Variants in RBFOX1 observed in about 807,000 individuals in gnomAD.
RBFOX1 encodes the protein RNA binding protein fox-1 homolog 1.
RBFOX1 carries 8 observed loss-of-function variants against 57.7 expected under a neutral mutation model. The ratio of observed to expected loss-of-function variants is 0.14; its 90% CI spans 0.08 to 0.25. The LOEUF is 0.25. RBFOX1 is among the 10% of genes least tolerant of loss of function. The pLI, the probability that RBFOX1 is intolerant of heterozygous loss-of-function variation, is 1.00. For missense variants in RBFOX1, 611 were observed against 548.5 expected (o/e 1.11, Z -1.14); for synonymous variants, 326 against 222.4 (o/e 1.47, Z -4.15).
intron 2 of RBFOX1, among the ~76,000 whole-genome samples, chr16:6,352,743 C>G (rs546897523): frequency 2.8e-4 from 43 of 152,238 alleles, no homozygotes; most frequent in African/African-American, 9.6e-4. Context: ...CTTTTCAATC[C>G]CATCCATTAA....
intron 14 of RBFOX1, among the ~76,000 whole-genome samples, chr16:7,697,836 A>G (rs1389971999): frequency 6.6e-6 from 1 of 152,138 alleles, no homozygotes; most frequent in South Asian, 2.1e-4. Flanking sequence ...TCGGATGACA[A>G]AGTTGTTACT....
chr16:5,572,237 A>G (rs1267473372), intron 2 of RBFOX1, among the ~76,000 whole-genome samples: 1 of 152,188 alleles, frequency 6.6e-6, no homozygotes, highest in African/African-American at 2.4e-5. Flanking sequence ...GAAGCTCTCC[A>G]GGCTTTCTGG....
At chr16:7,275,637 A>G (rs12445208) in intron 4 of RBFOX1, among the ~76,000 whole-genome samples, 1 of 150,684 alleles carries the variant, frequency 6.6e-6, no homozygotes, top group Admixed American at 6.6e-5. Flanking sequence ...TGTGCAAATG[A>G]TGAGCTTATC....
intron 1 of RBFOX1, among the ~76,000 whole-genome samples, chr16:6,291,629 T>C (rs2077475024): frequency 6.6e-6 from 1 of 152,150 alleles, no homozygotes. Flanking sequence ...CAAATGCATA[T>C]CCAATGGCAT....
intron 4 of RBFOX1, among the ~76,000 whole-genome samples, chr16:7,348,881 T>G (rs1603626553): frequency 1.3e-5 from 2 of 151,980 alleles, no homozygotes; most frequent in Admixed American, 1.3e-4. Context: ...GGCGGAGGTT[T>G]CAGTGAGCCA....
chr16:5,600,594 C>G (rs924229483), downstream of RBFOX1, among the ~76,000 whole-genome samples: 1 of 152,054 alleles, frequency 6.6e-6, no homozygotes, highest in Non-Finnish European at 1.5e-5. Context: ...TATACTGACC[C>G]TTCGTGCAAA....
intron 4 of RBFOX1, among the ~76,000 whole-genome samples, chr16:5,941,552 G>A (rs1466206476): frequency 6.6e-6 from 1 of 151,908 alleles, no homozygotes; most frequent in Non-Finnish European, 1.5e-5. Flanking sequence ...AGGGTCCCAT[G>A]AGAGCAGAAA....
rs533774488 is a variant in RBFOX1 at position 7,028,091 on chromosome 16, C to T, written c.-15-23966C>T. On this transcript the variant is annotated intron_variant, in intron 3 of 15. Coordinates refer to ENST00000550418, the MANE Select transcript of RBFOX1 (RefSeq NM_018723.4). ...CTGAGAAACGTGGTTTCTCATTTGC[C>T]TGTTACTTGGCACAGTTTGACTGCC... is the stretch of plus-strand genomic sequence containing the variant. Among the ~76,000 whole-genome samples the T allele has an allele frequency of 1.1e-4, 17 of 152,172 alleles. No individual in the cohort carries two copies. The South Asian group carries it at 3.5e-3, about 32-fold the overall frequency.
At chr16:7,374,542 G>T (rs1596780261) in intron 4 of RBFOX1, among the ~76,000 whole-genome samples, 2 of 152,146 alleles carry the variant, frequency 1.3e-5, no homozygotes, top group Admixed American at 6.5e-5. Flanking sequence ...AATCTACCTG[G>T]CTCTTAGCAA....
At chr16:5,441,884 A>G (rs573379095) in intron 1 of RBFOX1, among the ~76,000 whole-genome samples, 22 of 152,276 alleles carry the variant, frequency 1.4e-4, no homozygotes, top group African/African-American at 5.3e-4. Flanking sequence ...TGACACCATG[A>G]TTCAGTAATC....
At chr16:5,757,412 A>G (rs2053439284) in intron 3 of RBFOX1, among the ~76,000 whole-genome samples, 3 of 151,848 alleles carry the variant, frequency 2.0e-5, no homozygotes, top group East Asian at 1.9e-4. Context: ...TTGTATTTTT[A>G]GTAGAGACGG....
At chr16:6,931,442 C>T (rs977915209) in intron 3 of RBFOX1, among the ~76,000 whole-genome samples, 2 of 151,914 alleles carry the variant, frequency 1.3e-5, no homozygotes, top group Non-Finnish European at 2.9e-5. Flanking sequence ...ACGTCTGCTG[C>T]CTTGGACCAG....
chr16:7,374,907 A>G (rs2097655978), intron 4 of RBFOX1, among the ~76,000 whole-genome samples: 1 of 152,162 alleles, frequency 6.6e-6, no homozygotes, highest in South Asian at 2.1e-4. Flanking sequence ...ACCTGCCAGC[A>G]CTAGTATTTC....
intron 11 of RBFOX1, 73 bp from the exon 12 acceptor site, chr16:7,653,742 G>A: frequency 2.5e-6 from 4 of 1,592,288 alleles, no homozygotes; most frequent in South Asian, 2.2e-5. Flanking sequence ...GGGTTCCCGG[G>A]GCAGTTCCCT....
chr16:7,411,778 C>T (rs939280199), intron 4 of RBFOX1, among the ~76,000 whole-genome samples: 1 of 152,032 alleles, frequency 6.6e-6, no homozygotes, highest in Non-Finnish European at 1.5e-5. Context: ...TGGCGCATGC[C>T]TGTAATTCCA....
At chr16:6,169,269 G>C (rs1028868756) in intron 1 of RBFOX1, among the ~76,000 whole-genome samples, 1 of 152,118 alleles carries the variant, frequency 6.6e-6, no homozygotes, top group African/African-American at 2.4e-5. Context: ...AAGATAAAAT[G>C]TGGCCTGGAG....
At chr16:7,703,561 G>A (rs2081453992) in intron 14 of RBFOX1, among the ~76,000 whole-genome samples, 2 of 152,152 alleles carry the variant, frequency 1.3e-5, no homozygotes, top group African/African-American at 4.8e-5. Flanking sequence ...ATTAATTAGT[G>A]TTCTTACTGT....
In RBFOX1 at chr16:7,225,793, T is replaced by C. The variant is rs541810948; in HGVS notation, c.27+173695T>C. ...GGGGGAGGGATAGCATTAGGAGATA[T>C]ACCTAATGTAAATGACGAGTTAATG... On this transcript the variant is annotated intron_variant, in intron 4 of 15. Transcript: ENST00000550418. 1.6e-3 allele frequency among the ~76,000 whole-genome samples: 237 copies of C among 145,502 alleles called. 2 individuals are homozygous for C. Among genetic ancestry groups the C allele is most frequent in the African/African-American group, 5.6e-3 (222 of 39,786 alleles).
chr16:5,275,207 G>A (rs1479298536), intron 1 of RBFOX1, among the ~76,000 whole-genome samples: 1 of 152,194 alleles, frequency 6.6e-6, no homozygotes, highest in Non-Finnish European at 1.5e-5. Flanking sequence ...TGGGGTCCAT[G>A]TGAGATTTTG....
Sources: allele counts gnomAD v4.1 joint callset (sites outside exome capture counted in the v4.1 genomes callset), GRCh38; gene constraint gnomAD v4.1.1; transcripts MANE v1.5; gene names NCBI Gene and HGNC (gene_info 2026-07-23, HGNC 2026-07-21).